CATSPERD: variants seen among roughly 807,000 people sequenced by gnomAD.
CATSPERD encodes catsper channel auxiliary subunit delta, also known as cation channel sperm-associated auxiliary subunit delta.
A neutral mutation model predicts 98.1 loss-of-function variants in CATSPERD; 86 were observed. The ratio of observed to expected loss-of-function variants is 0.88; its 90% confidence interval spans 0.74 to 1.05. CATSPERD has a LOEUF of 1.05. Ranked by LOEUF, CATSPERD falls within the 50% of genes least tolerant of loss-of-function variation. The probability of loss-of-function intolerance (pLI) is 0.00; values close to 1 mark genes in which losing one functional copy is unlikely to be tolerated. For synonymous variants in CATSPERD, 394 were observed against 390.2 expected (o/e 1.01, Z -0.12); for missense variants, 995 against 1,005.7 (o/e 0.99, Z 0.14).
At chr19:5,765,782 A>G (rs550872712) in intron 16 of CATSPERD, among the ~76,000 whole-genome samples, 2 of 152,240 alleles carry the variant, frequency 1.3e-5, no homozygotes, top group African/African-American at 4.8e-5. Flanking sequence ...ACTGCACTCC[A>G]GCCTGGGTGA....
At chr19:5,746,528 A>T (rs1432440471) in intron 9 of CATSPERD, among the ~76,000 whole-genome samples, 2 of 151,772 alleles carry the variant, frequency 1.3e-5, no homozygotes, top group Non-Finnish European at 1.5e-5. Context: ...TCCCGGGTTC[A>T]CACCATTCTC....
At chr19:5,746,427 TTTC>T in intron 9 of CATSPERD, among the ~76,000 whole-genome samples, 1 of 136,810 alleles carries the variant, frequency 7.3e-6, no homozygotes, top group South Asian at 2.3e-4. Context: ...GTATTTAACA[TTTC>T]TTTCTCTTTT....
At chr19:5,748,869 C>T (rs1215699893) in intron 10 of CATSPERD, among the ~76,000 whole-genome samples, 1 of 149,938 alleles carries the variant, frequency 6.7e-6, no homozygotes, top group Non-Finnish European at 1.5e-5. Flanking sequence ...GCTGGGACTA[C>T]AGGCGCGCAC....
At chr19:5,765,836 G>T (rs1171189800) in intron 16 of CATSPERD, among the ~76,000 whole-genome samples, 1 of 151,888 alleles carries the variant, frequency 6.6e-6, no homozygotes, top group East Asian at 1.9e-4. Flanking sequence ...TTAATTAAAA[G>T]AAAAAGTTAA....
At chr19:5,750,352 G>A (rs575384817) in intron 11 of CATSPERD, among the ~76,000 whole-genome samples, 19 of 148,936 alleles carry the variant, frequency 1.3e-4, no homozygotes, top group Non-Finnish European at 2.7e-4. Flanking sequence ...TCGGGAGGCT[G>A]AGGCAGGAGA....
chr19:5,723,826 G>C (rs2055550433), intron 1 of CATSPERD, among the ~76,000 whole-genome samples: 1 of 150,870 alleles, frequency 6.6e-6, no homozygotes. Context: ...GCCCGGGCTG[G>C]AGTGCAATGG....
chr19:5,747,614 T>C (rs1188926628), intron 9 of CATSPERD, among the ~76,000 whole-genome samples: 2 of 139,538 alleles, frequency 1.4e-5, no homozygotes, highest in Non-Finnish European at 3.1e-5. Flanking sequence ...TCTTTTCTTT[T>C]TTTTTTTTTT....
intron 17 of CATSPERD, among the ~76,000 whole-genome samples, chr19:5,767,090 G>A (rs2056552204): frequency 6.6e-6 from 1 of 151,280 alleles, no homozygotes. Flanking sequence ...GGCCGAGGCG[G>A]GTGGATCACG....
rs112323000 is a variant in CATSPERD at position 5,742,280 on chromosome 19, G to A, written c.574-2147G>A. Among the ~76,000 whole-genome samples the A allele has an allele frequency of 1.3e-3, 166 of 124,662 alleles. 1 individual carries two copies. The highest frequency in any genetic ancestry group is 4.8e-3 in the African/African-American group (157 of 32,394). The allele number at this position is 124,662 out of a possible 152,430, so 81.8% of individuals were successfully genotyped here. Reference sequence around the variant, plus strand: ...TGGGTGTGCGTGTGCATGTGTGTACGTGTGTGTGCGTGTGTACGTATGTGA... The same window carrying A: ...TGGGTGTGCGTGTGCATGTGTGTACATGTGTGTGCGTGTGTACGTATGTGA... On this transcript the variant is annotated intron_variant, in intron 7 of 21. Coordinates refer to ENST00000381624, the MANE Select transcript of CATSPERD (RefSeq NM_152784.4).
chr19:5,761,232 G>C (rs2056427216), intron 15 of CATSPERD, among the ~76,000 whole-genome samples: 1 of 152,052 alleles, frequency 6.6e-6, no homozygotes, highest in Admixed American at 6.6e-5. Flanking sequence ...CTCTCGAGTA[G>C]CTGGGATTAT....
chr19:5,727,847 G>C (rs1201061952), intron 3 of CATSPERD, among the ~76,000 whole-genome samples: 1 of 151,922 alleles, frequency 6.6e-6, no homozygotes, highest in African/African-American at 2.4e-5. Flanking sequence ...GAGGATGTGG[G>C]GCTGCATGAC....
In CATSPERD at chr19:5,771,073, G is replaced by A. The variant is rs201789484; in HGVS notation, c.1763+1G>A. ...CCCTATGGAAGCCCGTGGTGGAGCT[G>A]TAAGACCCCAGGGGGGTGCTGCAGG... On this transcript the variant is annotated splice_donor_variant, in intron 19 of 21. Transcript: ENST00000381624. LOFTEE classifies it high-confidence loss of function. The A allele has an allele frequency of 5.5e-5, 88 of 1,612,944 alleles. No individual in the cohort carries two copies. Among genetic ancestry groups the A allele is most frequent in the Middle Eastern group, 5.0e-4 (3 of 6,044 alleles).
chr19:5,751,317 G>T (rs1271827041), intron 11 of CATSPERD, among the ~76,000 whole-genome samples: 1 of 147,438 alleles, frequency 6.8e-6, no homozygotes, highest in Non-Finnish European at 1.5e-5. Context: ...GAGGTCAGGA[G>T]ATCGACACCA....
At position 5,768,483 on chromosome 19, in the gene CATSPERD, C is replaced by G. The variant is rs555621505; in HGVS notation, c.1634+241C>G. ...TCCTGAGTAGTTGGGACTACAGGTT[C>G]CCGCCACCAGGCACGGCTAATTTGT... is the stretch of plus-strand genomic sequence containing the variant. On this transcript the variant is annotated intron_variant, in intron 18 of 21. Coordinates refer to ENST00000381624, the MANE Select transcript of CATSPERD (RefSeq NM_152784.4). 3.3e-5 allele frequency among the ~76,000 whole-genome samples: 5 copies of G among 152,074 alleles called. No individual in the cohort carries two copies. In the East Asian group the frequency reaches 9.7e-4, roughly 30 times the overall value.
At chr19:5,725,052 G>C (rs1174376756) in intron 2 of CATSPERD, among the ~76,000 whole-genome samples, 190 bp downstream of exon 2, 2 of 152,142 alleles carry the variant, frequency 1.3e-5, no homozygotes, top group Non-Finnish European at 2.9e-5. Context: ...AACAAGTTTA[G>C]AGAGATCAAG....
At chr19:5,766,642 TAA>T (rs2056543945) in intron 17 of CATSPERD, among the ~76,000 whole-genome samples, 1 of 152,038 alleles carries the variant, frequency 6.6e-6, no homozygotes, top group Admixed American at 6.6e-5. Context: ...CCTAATAGGT[TAA>T]GTTTGTTTCC....
Position 5,739,357 on chromosome 19 carries a change from G to A in CATSPERD, c.491G>A (p.Arg164His), listed in dbSNP as rs199601443. ...HVSNLVFAYF[R>H]GDQISQTYIY... ...AGTAATTTGGTTTTTGCATATTTCC[G>A]TGGAGATCAGATATCCCAGACTTAT... is the stretch of plus-strand genomic sequence containing the variant. The change falls in exon 7 of 22, where the codon CGT (arginine) becomes CAT (histidine). Residue 164 changes from arginine (R) to histidine (H), a missense_variant. By Grantham distance (29) the Arg-to-His change is conservative. Transcript: ENST00000381624. 218 of 1,577,942 alleles carry A rather than the reference G, an allele frequency of 1.4e-4. No individual in the cohort carries two copies. The highest frequency in any genetic ancestry group is 3.2e-4 in the Admixed American group (17 of 53,606).
At chr19:5,763,094 G>A (rs2056474215) in intron 15 of CATSPERD, 121 bp from the exon 16 acceptor site, 1 of 702,464 alleles carries the variant, frequency 1.4e-6, no homozygotes, top group Non-Finnish European at 2.5e-6. Context: ...TGGATGGAAG[G>A]ATGGATGAGA....
intron 1 of CATSPERD, among the ~76,000 whole-genome samples, chr19:5,722,808 C>T (rs1180074025): frequency 1.3e-5 from 2 of 151,960 alleles, no homozygotes; most frequent in South Asian, 2.1e-4. Flanking sequence ...ACCATCCTTC[C>T]AGTCACCACA....
Sources: gnomAD v4.1 joint callset for allele counts (sites outside exome capture counted in the v4.1 genomes callset) on GRCh38, gnomAD v4.1.1 for gene constraint, MANE v1.5 for transcripts, NCBI Gene and HGNC (gene_info 2026-07-23, HGNC 2026-07-21) for gene names.